COPG2: variants seen among roughly 807,000 people sequenced by gnomAD.
The protein encoded by COPG2 is coat protein complex I subunit gamma 2, also known as coatomer subunit gamma-2.
In COPG2, 37 loss-of-function variants were observed where a neutral mutation model predicts 46.3. The ratio of observed to expected loss-of-function variants is 0.80; its 90% confidence interval spans 0.61 to 1.05. The LOEUF (loss-of-function observed/expected upper bound fraction) is 1.05. COPG2 is among the 50% of genes least tolerant of loss of function. COPG2 has a pLI of 0.00. For synonymous variants in COPG2, 159 were observed against 129.7 expected (o/e 1.23, Z -1.53); for missense variants, 427 against 387.8 (o/e 1.10, Z -0.85).
In COPG2 at chr7:130,576,486, T is replaced by C. The variant is rs189683074; in HGVS notation, c.738-12093A>G. ...GAGTAAGCATTGGGTCAACATGAAA[T>C]CAAGATGGAAATCAAAGAATTCTTC... On this transcript the variant is annotated intron_variant, in intron 9 of 23. Transcript: ENST00000425248. 5.3e-5 allele frequency among the ~76,000 whole-genome samples: 8 copies of C among 152,196 alleles called. 1 individual carries two copies. In the East Asian group the frequency reaches 9.6e-4, roughly 18 times the overall value.
intron 9 of COPG2, chr7:130,605,578 G>T (rs1794712335): frequency 4.8e-5 from 19 of 393,752 alleles, no homozygotes; most frequent in South Asian, 3.7e-4. Context: ...TCAAAGAGAG[G>T]CCTTTAGTTG....
At chr7:130,666,969 T>C (rs1307885639) in intron 2 of COPG2, 40 bp from the exon 3 acceptor site, 2 of 1,068,558 alleles carry the variant, frequency 1.9e-6, no homozygotes, top group Non-Finnish European at 2.8e-6. Context: ...TTTTCTACCT[T>C]TTCTATCACA....
At chr7:130,627,269 A>C (rs566371007) in intron 5 of COPG2, among the ~76,000 whole-genome samples, 1 of 152,358 alleles carries the variant, frequency 6.6e-6, no homozygotes, top group African/African-American at 2.4e-5. Flanking sequence ...AAAAGCAAAA[A>C]GAGAACGCAG....
chr7:130,587,498 A>C (rs1386932784), intron 9 of COPG2, among the ~76,000 whole-genome samples: 1 of 151,982 alleles, frequency 6.6e-6, no homozygotes, highest in Non-Finnish European at 1.5e-5. Context: ...TACAATATTC[A>C]CCTTTAAATT....
At chr7:130,565,915 G>A (rs1793795018) in intron 9 of COPG2, among the ~76,000 whole-genome samples, 1 of 151,890 alleles carries the variant, frequency 6.6e-6, no homozygotes, top group African/African-American at 2.4e-5. Context: ...AAAGAAGGAA[G>A]AAAAATGAAC....
intron 5 of COPG2, among the ~76,000 whole-genome samples, chr7:130,642,518 T>C (rs574518751): frequency 2.0e-5 from 3 of 152,342 alleles, no homozygotes; most frequent in Non-Finnish European, 4.4e-5. Flanking sequence ...CTTTTGTGTC[T>C]GTTTTCTTTC....
chr7:130,659,365 A>AAAAAAAAAAAAAAC (rs200317804), intron 4 of COPG2, among the ~76,000 whole-genome samples: 17 of 150,302 alleles, frequency 1.1e-4, no homozygotes, highest in Non-Finnish European at 2.4e-4. Context: ...AAAAAAAAAA[A>AAAAAAAAAAAAAAC]AAACGAACAA....
chr7:130,599,009 C>T (rs1270385209), intron 9 of COPG2, among the ~76,000 whole-genome samples: 13 of 152,204 alleles, frequency 8.5e-5, no homozygotes, highest in African/African-American at 2.4e-4. Context: ...GCAATCCCTG[C>T]CTCAGATGCA....
intron 9 of COPG2, among the ~76,000 whole-genome samples, chr7:130,587,246 A>G (rs144352775): frequency 0.34 from 51,905 of 151,688 alleles, 10,198 homozygotes; most frequent in African/African-American, 0.52. Context: ...GGTGGACGCT[A>G]CAGTGAGCCG....
intron 5 of COPG2, among the ~76,000 whole-genome samples, chr7:130,647,449 T>G (rs1437269035): frequency 6.6e-6 from 1 of 152,198 alleles, no homozygotes; most frequent in African/African-American, 2.4e-5. Context: ...AAGGCTGTTA[T>G]GACATTCTTG....
intron 20 of COPG2, among the ~76,000 whole-genome samples, chr7:130,536,419 G>A (rs1799879832): frequency 6.6e-6 from 1 of 152,162 alleles, no homozygotes; most frequent in Non-Finnish European, 1.5e-5. Flanking sequence ...GGACCCCCAG[G>A]CAGGCCTATC....
At position 130,641,062 on chromosome 7, in the gene COPG2, A is replaced by G. The variant is rs186393182; in HGVS notation, c.323+11807T>C. 2.0e-3 allele frequency among the ~76,000 whole-genome samples: 307 copies of G among 150,538 alleles called. 2 individuals carry two copies. Among genetic ancestry groups the G allele is most frequent in the African/African-American group, 6.7e-3 (278 of 41,188 alleles). On this transcript the variant is annotated intron_variant, in intron 5 of 23. Transcript: ENST00000425248. ...ATCAAGTGTTAGAACAACCGAGGCT[A>G]GGGGTAGTGGCTCTCACCTGTAATT... is the stretch of plus-strand genomic sequence containing the variant.
At chr7:130,601,866 A>AG (rs1377651446) in intron 9 of COPG2, among the ~76,000 whole-genome samples, 1 of 148,232 alleles carries the variant, frequency 6.7e-6, no homozygotes, top group Non-Finnish European at 1.5e-5. Flanking sequence ...AAGGAAGCAA[A>AG]GAAGGAAGGA....
At chr7:130,568,597 C>T (rs1477533128) in intron 9 of COPG2, among the ~76,000 whole-genome samples, 1 of 152,070 alleles carries the variant, frequency 6.6e-6, no homozygotes, top group Non-Finnish European at 1.5e-5. Flanking sequence ...AGATAGACGG[C>T]AACGCAATAA....
intron 5 of COPG2, among the ~76,000 whole-genome samples, chr7:130,632,534 G>A (rs73158070): frequency 6.8e-4 from 103 of 150,592 alleles, no homozygotes; most frequent in Middle Eastern, 3.4e-3. Flanking sequence ...TTTTTTTTTC[G>A]CACCAATACC....
At chr7:130,578,124 G>A (rs1794049296) in intron 9 of COPG2, among the ~76,000 whole-genome samples, 1 of 151,594 alleles carries the variant, frequency 6.6e-6, no homozygotes, top group Admixed American at 6.6e-5. Flanking sequence ...GAGAGCAGTG[G>A]TTCTCCCAGC....
intron 9 of COPG2, among the ~76,000 whole-genome samples, chr7:130,597,466 T>G (rs1444269944): frequency 3.9e-5 from 6 of 152,230 alleles, no homozygotes; most frequent in African/African-American, 1.4e-4. Context: ...GTTGTACCCC[T>G]GAGGAAAAGC....
At chr7:130,507,088 C>T (rs1229666678) in intron 23 of COPG2, among the ~76,000 whole-genome samples, 186 bp downstream of exon 23, 1 of 151,994 alleles carries the variant, frequency 6.6e-6, no homozygotes, top group Non-Finnish European at 1.5e-5. Flanking sequence ...TGTTTTGGGC[C>T]AAATGTACAT....
At chr7:130,649,004 C>T (rs1184632374) in intron 5 of COPG2, among the ~76,000 whole-genome samples, 5 of 152,128 alleles carry the variant, frequency 3.3e-5, no homozygotes, top group East Asian at 1.9e-4. Context: ...TTGCTGCTGA[C>T]GTAGAATTCT....
Sources: gnomAD v4.1 joint callset for allele counts (sites outside exome capture counted in the v4.1 genomes callset) on GRCh38, gnomAD v4.1.1 for gene constraint, MANE v1.5 for transcripts, NCBI Gene and HGNC (gene_info 2026-07-23, HGNC 2026-07-21) for gene names.